PPEF2: variants seen among roughly 807,000 people sequenced by gnomAD.
PPEF2 encodes serine/threonine-protein phosphatase with EF-hands 2.
PPEF2 carries 84 observed loss-of-function variants against 84.7 expected under a neutral mutation model. The observed-to-expected ratio is 0.99, with a 90% CI of 0.83 to 1.19. PPEF2 has a LOEUF of 1.19. Ranked by LOEUF, PPEF2 falls within the 50% of genes most tolerant of loss-of-function variation. PPEF2 has a pLI of 0.00. For missense variants in PPEF2, 924 were observed against 937.5 expected (o/e 0.99, Z 0.19); for synonymous variants, 346 against 345.2 (o/e 1.00, Z -0.03).
chr4:75,899,969 T>C (rs1006275730), intron 1 of PPEF2, among the ~76,000 whole-genome samples: 1 of 152,194 alleles, frequency 6.6e-6, no homozygotes, highest in African/African-American at 2.4e-5. Context: ...TTTTGGGCAC[T>C]TAAGCTCTCA....
chr4:75,892,074 G>A, intron 2 of PPEF2, 96 bp from the exon 3 acceptor site: 1 of 1,473,242 alleles, frequency 6.8e-7, no homozygotes, highest in Non-Finnish European at 9.2e-7. Context: ...CTCTCCCACT[G>A]TATATGTGAG....
At chr4:75,891,627 C>T in intron 4 of PPEF2, 21 bp downstream of exon 4, 1 of 1,593,598 alleles carries the variant, frequency 6.3e-7, no homozygotes. Flanking sequence ...GAGGACATGA[C>T]ATGTGGCAGT....
In PPEF2 at chr4:75,881,140, C is replaced by T. The variant is rs1210332964; in HGVS notation, c.933+1786G>A. Among the ~76,000 whole-genome samples the T allele has an allele frequency of 2.2e-5, 3 of 138,664 alleles. No individual in the cohort carries two copies. The East Asian group carries it at 6.4e-4, about 29-fold the overall frequency. 91.0% of individuals were successfully genotyped at this position (138,664 alleles called of 152,430 possible). A position where few individuals can be genotyped will look rare whatever the true frequency, so the allele number is the denominator to read the frequency against. On this transcript the variant is annotated intron_variant, in intron 10 of 16. Transcript: ENST00000286719. ...TTTGACATGGAGTCTCGCTGTGTGG[C>T]TCAGGCTGGAGTGCAGTGGCACGAT... is the stretch of plus-strand genomic sequence containing the variant.
chr4:75,887,113 T>C (rs575209447), intron 6 of PPEF2, among the ~76,000 whole-genome samples: 4 of 152,312 alleles, frequency 2.6e-5, no homozygotes, highest in East Asian at 1.9e-4. Flanking sequence ...TTATTATAAA[T>C]AGTAAATGAG....
At position 75,860,470 on chromosome 4, in the gene PPEF2, G is replaced by C. The variant is rs1394454458; in HGVS notation, c.*197C>G. 1 of 636,582 alleles carries C rather than the reference G, an allele frequency of 1.6e-6. No homozygotes were observed. The highest frequency in any genetic ancestry group is 3.1e-5 in the Admixed American group (1 of 32,744). The allele number at this position is 636,582 out of a possible 1,614,324, so 39.4% of individuals were successfully genotyped here. On this transcript the variant is annotated 3_prime_UTR_variant, in exon 17 of 17. Transcript: ENST00000286719. ...TGTGAAGATTGTGAGGTGGGGTTGGGGCACTCATATACTTAAAACACATAC... is the reference window on the plus strand; with the variant it reads ...TGTGAAGATTGTGAGGTGGGGTTGGCGCACTCATATACTTAAAACACATAC...
chr4:75,869,620 G>A (rs1010321707), intron 13 of PPEF2, among the ~76,000 whole-genome samples: 1 of 152,326 alleles, frequency 6.6e-6, no homozygotes, highest in South Asian at 2.1e-4. Context: ...GCCAAGGCAG[G>A]AGGATCACTT....
At chr4:75,893,368 G>C (rs906976370) in intron 2 of PPEF2, among the ~76,000 whole-genome samples, 6 of 152,142 alleles carry the variant, frequency 3.9e-5, no homozygotes, top group African/African-American at 1.4e-4. Context: ...CATGGTGGCA[G>C]GCATCTGTAA....
intron 2 of PPEF2, among the ~76,000 whole-genome samples, chr4:75,893,467 T>A (rs1428194071): frequency 6.8e-6 from 1 of 147,082 alleles, no homozygotes; most frequent in Admixed American, 7.0e-5. Flanking sequence ...CACTGCACTT[T>A]AGCCTGGGCT....
At chr4:75,894,452 A>G (rs1284847272) in intron 2 of PPEF2, among the ~76,000 whole-genome samples, 2 of 152,236 alleles carry the variant, frequency 1.3e-5, no homozygotes, top group Non-Finnish European at 2.9e-5. Context: ...CAACACATTA[A>G]GAAAAGCTGC....
intron 4 of PPEF2, among the ~76,000 whole-genome samples, chr4:75,890,445 T>C (rs1194645549): frequency 4.8e-5 from 7 of 145,142 alleles, no homozygotes; most frequent in African/African-American, 1.5e-4. Flanking sequence ...GCAGAGATGA[T>C]ACTACTGCAC....
chr4:75,860,094 A>T lies in PPEF2; in HGVS notation c.*573T>A, dbSNP rs138671777. ...CTGGGTGCGGTGGCTCATGCCTGTA[A>T]TCCCAGCACTTTGGGAGGCTGAGGA... On this transcript the variant is annotated 3_prime_UTR_variant, in exon 17 of 17. Transcript: ENST00000286719. 6 of 152,566 alleles carry T rather than the reference A, an allele frequency of 3.9e-5. No homozygotes were observed. The highest frequency in any genetic ancestry group is 1.4e-4 in the African/African-American group (6 of 41,578). The allele number at this position is 152,566 out of a possible 1,614,324, so 9.5% of individuals were successfully genotyped here.
Position 75,902,287 on chromosome 4 carries a change from C to T in PPEF2, c.-116G>A, listed in dbSNP as rs1009635477. ...CACAACAAGGCAGAAATCTCTTTAACATGCAGGCGTGATCCCCATCCTGTC... is the reference window on the plus strand; with the variant it reads ...CACAACAAGGCAGAAATCTCTTTAATATGCAGGCGTGATCCCCATCCTGTC... On this transcript the variant is annotated 5_prime_UTR_variant, in exon 1 of 17. The change abolishes an upstream ATG in the 5' untranslated region. Coordinates refer to ENST00000286719, the MANE Select transcript of PPEF2 (RefSeq NM_006239.3). 6.6e-6 allele frequency: 1 copy of T among 152,220 alleles called. No homozygotes were observed. Among genetic ancestry groups the T allele is most frequent in the Non-Finnish European group, 1.5e-5 (1 of 68,050 alleles). The allele number at this position is 152,220 out of a possible 1,614,324, so 9.4% of individuals were successfully genotyped here.
At chr4:75,887,943 G>C (rs561044196) in intron 6 of PPEF2, among the ~76,000 whole-genome samples, 1 of 152,150 alleles carries the variant, frequency 6.6e-6, no homozygotes, top group Admixed American at 6.5e-5. Flanking sequence ...CAGAGATTTT[G>C]TTTTGAATGA....
chr4:75,868,322 A>AAAAAAT (rs1303279759), intron 13 of PPEF2, among the ~76,000 whole-genome samples: 1 of 149,792 alleles, frequency 6.7e-6, no homozygotes, highest in African/African-American at 2.5e-5. Flanking sequence ...TCTCAAAAAA[A>AAAAAAT]AAAAAAAAAA....
chr4:75,874,396 A>G (rs540999251), intron 11 of PPEF2, among the ~76,000 whole-genome samples: 1 of 151,868 alleles, frequency 6.6e-6, no homozygotes, highest in African/African-American at 2.4e-5. Flanking sequence ...CCCAGGTTCA[A>G]GCGATTCTCC....
At chr4:75,896,499 G>A (rs1381852973) in intron 1 of PPEF2, 116 bp from the exon 2 acceptor site, 4 of 668,396 alleles carry the variant, frequency 6.0e-6, no homozygotes, top group Non-Finnish European at 1.1e-5. Context: ...CAGTCTAAGT[G>A]CACAAGATGT....
chr4:75,875,278 A>G (rs1724380778), intron 11 of PPEF2, among the ~76,000 whole-genome samples: 2 of 152,090 alleles, frequency 1.3e-5, no homozygotes, highest in Admixed American at 6.6e-5. Context: ...AATACCAGCA[A>G]GTTCCTATAA....
At chr4:75,898,853 G>A (rs1202668879) in intron 1 of PPEF2, among the ~76,000 whole-genome samples, 1 of 151,866 alleles carries the variant, frequency 6.6e-6, no homozygotes, top group Non-Finnish European at 1.5e-5. Flanking sequence ...TTATTTCTTT[G>A]TTATGAGGAC....
rs375559565 is a variant in PPEF2 at position 75,884,580 on chromosome 4, G to A, written c.746+14C>T. The A allele has an allele frequency of 7.6e-6, 12 of 1,568,964 alleles. No individual in the cohort carries two copies. Among genetic ancestry groups the A allele is most frequent in the Non-Finnish European group, 8.6e-6 (10 of 1,160,562 alleles). ...AAACAAACATCAAATACTCAAGCAT[G>A]TTTTGACTTGTACCGTAAGTTCACC... is the stretch of plus-strand genomic sequence containing the variant. On this transcript the variant is annotated intron_variant, in intron 8 of 16. Coordinates refer to ENST00000286719, the MANE Select transcript of PPEF2 (RefSeq NM_006239.3).
Sources: allele counts gnomAD v4.1 joint callset (sites outside exome capture counted in the v4.1 genomes callset), GRCh38; gene constraint gnomAD v4.1.1; transcripts MANE v1.5; gene names NCBI Gene and HGNC (gene_info 2026-07-23, HGNC 2026-07-21).